Variants in SH3KBP1 observed in about 807,000 individuals in gnomAD.
SH3KBP1 encodes SH3 domain containing kinase binding protein 1, also known as SH3 domain-containing kinase-binding protein 1.
Under a neutral mutation model 50.1 loss-of-function variants are expected in SH3KBP1, and 8 were observed. The ratio of observed to expected loss-of-function variants is 0.16; its 90% CI spans 0.09 to 0.29. The LOEUF (loss-of-function observed/expected upper bound fraction) is 0.29. Ranked by LOEUF, SH3KBP1 falls within the 10% of genes least tolerant of loss-of-function variation. The pLI is 1.00. For synonymous variants in SH3KBP1, 227 were observed against 218.6 expected (o/e 1.04, Z -0.34); for missense variants, 377 against 535.2 (o/e 0.70, Z 2.92).
intron 3 of SH3KBP1, among the ~76,000 whole-genome samples, chrX:19,732,596 T>TACACACACACACACACAC (rs60032683): frequency 8.8e-5 from 8 of 90,752 alleles, no homozygotes; most frequent in African/African-American, 3.2e-4. Context: ...TAAAAATCCC[T>TACACACACACACACACAC]ACACACACAC....
rs370271414 is a variant in SH3KBP1, at chrX:19,569,115, T to C, written c.1372A>G (p.Ser458Gly). 5.3e-5 allele frequency: 64 copies of C among 1,208,768 alleles called. No homozygotes were observed. The East Asian group carries it at 1.2e-3, about 22-fold the overall frequency. ...TGTCCTTACTCACCAATGTCATTGC[T>C]GCGGTCCGAGAGATCTTTGTCCAGG... ...GILDKDLSDRSNDIDLEGFDS... is the reference protein window; with the variant it reads ...GILDKDLSDRGNDIDLEGFDS... Residue 458 changes from serine (S) to glycine (G), a missense_variant, in exon 13 of 18, where the codon AGC becomes GGC. This residue lies in a region of SH3KBP1 where 257 missense variants were observed against 374.2 expected (regional missense o/e 0.69). Transcript: ENST00000397821.
At chrX:19,697,590 A>T (rs1028679753) in intron 4 of SH3KBP1, among the ~76,000 whole-genome samples, 5 of 112,432 alleles carry the variant, frequency 4.4e-5, no homozygotes, top group African/African-American at 1.6e-4. Context: ...ACCAAGATAG[A>T]AAGGTATGAC....
At chrX:19,714,518 G>T (rs756271157) in intron 3 of SH3KBP1, among the ~76,000 whole-genome samples, 1 of 107,696 alleles carries the variant, frequency 9.3e-6, no homozygotes, top group African/African-American at 3.4e-5. Flanking sequence ...TTAAAAAAAA[G>T]AAAATAAAAT....
intron 8 of SH3KBP1, among the ~76,000 whole-genome samples, chrX:19,630,248 G>A (rs778919841): frequency 7.9e-4 from 88 of 111,288 alleles, no homozygotes; most frequent in Non-Finnish European, 1.4e-3. Flanking sequence ...GCAAAGAATA[G>A]CAGTTATTTA....
intron 2 of SH3KBP1, among the ~76,000 whole-genome samples, chrX:19,763,992 GTGACAGAGCAAGACTC>G: frequency 1.0e-5 from 1 of 98,508 alleles, no homozygotes; most frequent in Non-Finnish European, 2.0e-5. Flanking sequence ...TCCAGCCTGG[GTGACAGAGCAAGACTC>G]TGTCTCAAAA....
At chrX:19,818,927 A>T (rs912814084) in intron 2 of SH3KBP1, among the ~76,000 whole-genome samples, 7 of 111,989 alleles carry the variant, frequency 6.3e-5, no homozygotes, top group African/African-American at 2.3e-4. Flanking sequence ...CTGGCCTCAT[A>T]AAATGAATTG....
chrX:19,828,599 T>C (rs1281935705), intron 2 of SH3KBP1, among the ~76,000 whole-genome samples: 2 of 110,112 alleles, frequency 1.8e-5, no homozygotes, highest in Middle Eastern at 4.6e-3. Context: ...CTGGGCAATA[T>C]GGTGAAACCC....
intron 2 of SH3KBP1, among the ~76,000 whole-genome samples, chrX:19,796,245 C>G (rs954504384): frequency 6.2e-5 from 7 of 112,084 alleles, no homozygotes; most frequent in Non-Finnish European, 1.1e-4. Flanking sequence ...GGGAGTCAGA[C>G]AAGCCTGGTT....
intron 12 of SH3KBP1, among the ~76,000 whole-genome samples, chrX:19,577,559 T>C (rs2066239171): frequency 9.0e-6 from 1 of 111,347 alleles, no homozygotes; most frequent in Admixed American, 9.6e-5. Context: ...GACGGCAATG[T>C]GGAAGATGCA....
chrX:19,581,404 T>C (rs751180829), intron 12 of SH3KBP1, among the ~76,000 whole-genome samples: 71 of 112,640 alleles, frequency 6.3e-4, no homozygotes, highest in Non-Finnish European at 1.0e-3. Context: ...CAATTCAAAA[T>C]GATGGGCTAA....
chrX:19,664,751 T>C (rs1333832519), intron 6 of SH3KBP1: 5 of 112,201 alleles, frequency 4.5e-5, no homozygotes, highest in African/African-American at 1.6e-4. Flanking sequence ...TGTGTGGGCA[T>C]AGAGTTACCA....
chrX:19,563,301 A>G (rs1324859126), intron 13 of SH3KBP1, among the ~76,000 whole-genome samples: 1 of 112,264 alleles, frequency 8.9e-6, no homozygotes, highest in Non-Finnish European at 1.9e-5. Flanking sequence ...GGACTGGAGG[A>G]TGCCTTTCGA....
chrX:19,684,513 T>C (rs1314892224), intron 5 of SH3KBP1, among the ~76,000 whole-genome samples: 1 of 112,564 alleles, frequency 8.9e-6, no homozygotes, highest in African/African-American at 3.2e-5. Context: ...TTTAAACAAA[T>C]GAGCAATTAA....
chrX:19,661,627 G>GT (rs1469425458), intron 6 of SH3KBP1, among the ~76,000 whole-genome samples: 1,204 of 74,910 alleles, frequency 0.016, 18 homozygotes, highest in African/African-American at 0.036. Flanking sequence ...AATAAAGGTT[G>GT]TTTTTTTTTT....
chrX:19,783,232 T>C (rs927692658), intron 2 of SH3KBP1, among the ~76,000 whole-genome samples: 2 of 112,378 alleles, frequency 1.8e-5, no homozygotes, highest in African/African-American at 6.5e-5. Context: ...GAAAAGCATT[T>C]AGTAAGACTT....
intron 2 of SH3KBP1, among the ~76,000 whole-genome samples, chrX:19,753,121 G>A (rs1379138271): frequency 8.9e-6 from 1 of 112,031 alleles, no homozygotes; most frequent in Non-Finnish European, 1.9e-5. Flanking sequence ...ACCCTGATCT[G>A]CCCAGAATGC....
At chrX:19,691,327 T>TCG (rs1408349526) in intron 5 of SH3KBP1, among the ~76,000 whole-genome samples, 16 of 69,781 alleles carry the variant, frequency 2.3e-4, no homozygotes, top group Non-Finnish European at 3.4e-4. Context: ...TCTCTGTCGC[T>TCG]CTCTCTCTCT....
At chrX:19,798,826 T>C (rs1373197179) in intron 2 of SH3KBP1, among the ~76,000 whole-genome samples, 1 of 112,216 alleles carries the variant, frequency 8.9e-6, no homozygotes, top group Non-Finnish European at 1.9e-5. Context: ...TAGAGTGCCA[T>C]GGAAAAGGAG....
chrX:19,831,351 C>T (rs1199554841), intron 2 of SH3KBP1, among the ~76,000 whole-genome samples: 1 of 103,112 alleles, frequency 9.7e-6, no homozygotes, highest in Non-Finnish European at 1.9e-5. Flanking sequence ...TAGATCGACA[C>T]TACAGTAAGC....
Sources: allele counts gnomAD v4.1 joint callset (sites outside exome capture counted in the v4.1 genomes callset), GRCh38; gene constraint gnomAD v4.1.1; regional missense constraint gnomAD v4.1.1; transcripts MANE v1.5; gene names NCBI Gene and HGNC (gene_info 2026-07-23, HGNC 2026-07-21).